The following DLG2 variants were observed in gnomAD, a reference collection of about 807,000 sequenced individuals.
DLG2 encodes disks large homolog 2.
A neutral mutation model predicts 132.5 loss-of-function variants in DLG2; 45 were observed. The observed-to-expected ratio is 0.34, with a 90% CI of 0.27 to 0.44. The LOEUF (loss-of-function observed/expected upper bound fraction) is 0.44. Ranked by LOEUF, DLG2 falls within the 20% of genes least tolerant of loss-of-function variation. The pLI is 1.00. For synonymous variants in DLG2, 424 were observed against 419.6 expected (o/e 1.01, Z -0.13); for missense variants, 1,045 against 1,196.9 (o/e 0.87, Z 1.87).
chr11:85,499,793 T>C (rs1248292541), intron 3 of DLG2, among the ~76,000 whole-genome samples: 1 of 152,132 alleles, frequency 6.6e-6, no homozygotes, highest in Admixed American at 6.6e-5. Context: ...TAGTTCAACA[T>C]ATGCAAATCA....
intron 14 of DLG2, among the ~76,000 whole-genome samples, chr11:83,951,769 C>T (rs142971288): frequency 1.4e-3 from 216 of 152,076 alleles, no homozygotes; most frequent in Non-Finnish European, 2.4e-3. Flanking sequence ...CTCCAGATGA[C>T]GTGATCTGAA....
chr11:85,521,275 G>A (rs1168794147), intron 3 of DLG2, among the ~76,000 whole-genome samples: 1 of 152,180 alleles, frequency 6.6e-6, no homozygotes, highest in Non-Finnish European at 1.5e-5. Context: ...AGATCTGACA[G>A]CTTTGTGAGG....
At chr11:84,382,147 T>C (rs2098750977) in intron 7 of DLG2, among the ~76,000 whole-genome samples, 1 of 152,158 alleles carries the variant, frequency 6.6e-6, no homozygotes, top group Non-Finnish European at 1.5e-5. Context: ...CAAATCAGCT[T>C]TCCTGCTAGA....
At chr11:85,238,039 A>AT (rs946120175) in intron 4 of DLG2, among the ~76,000 whole-genome samples, 3 of 151,392 alleles carry the variant, frequency 2.0e-5, no homozygotes, top group African/African-American at 4.9e-5. Flanking sequence ...TTCTTTGTGG[A>AT]TTTTTTTTCC....
At chr11:84,931,065 T>A (rs2048024411) in intron 6 of DLG2, among the ~76,000 whole-genome samples, 1 of 152,124 alleles carries the variant, frequency 6.6e-6, no homozygotes, top group Admixed American at 6.6e-5. Flanking sequence ...TCCACACTTC[T>A]GGGCAGATTC....
Position 85,111,715 on chromosome 11 carries a change from T to G in DLG2, c.303A>C (p.Pro101=). Residue 101 remains proline (P), a synonymous_variant, in exon 6 of 28, where the codon CCA becomes CCC. Coordinates refer to ENST00000376104, the MANE Select transcript of DLG2 (RefSeq NM_001142699.3). ...ETTTQNQGRC[P]AQNCSVEAPA... ...GGGCTTCCACTGAACAATTCTGGGC[T>G]GGGCATCTGCCTTGGTTTTGCTGCA... is the stretch of plus-strand genomic sequence containing the variant. 1 of 1,560,670 alleles carries G rather than the reference T, an allele frequency of 6.4e-7. No individual in the cohort carries two copies. Among genetic ancestry groups the G allele is most frequent in the Non-Finnish European group, 8.7e-7 (1 of 1,151,746 alleles).
At chr11:85,486,094 C>T (rs1192758029) in intron 3 of DLG2, among the ~76,000 whole-genome samples, 1 of 152,134 alleles carries the variant, frequency 6.6e-6, no homozygotes, top group Non-Finnish European at 1.5e-5. Context: ...GTGGTAGGCC[C>T]ACAGCTGACA....
chr11:83,780,735 G>T (rs1182405885), intron 18 of DLG2, among the ~76,000 whole-genome samples: 1 of 152,208 alleles, frequency 6.6e-6, no homozygotes, highest in East Asian at 1.9e-4. Context: ...AAGTAGAGCT[G>T]AATGGCACAT....
intron 7 of DLG2, among the ~76,000 whole-genome samples, chr11:84,334,432 C>A (rs116436358): frequency 0.019 from 2,891 of 152,238 alleles, 68 homozygotes; most frequent in African/African-American, 0.052. Context: ...GTTTGTTTAA[C>A]CACTTTTCTG....
intron 3 of DLG2, among the ~76,000 whole-genome samples, chr11:85,347,399 C>T (rs2082923581): frequency 6.6e-6 from 1 of 152,100 alleles, no homozygotes; most frequent in African/African-American, 2.4e-5. Flanking sequence ...AGAAAGCAAC[C>T]AGACCTGGAT....
intron 8 of DLG2, among the ~76,000 whole-genome samples, chr11:84,228,340 A>C (rs1325927461): frequency 1.3e-5 from 2 of 152,202 alleles, no homozygotes; most frequent in African/African-American, 4.8e-5. Context: ...TCCTTGACAC[A>C]TTCATCTTGG....
At chr11:84,027,727 T>C (rs1057135293) in intron 11 of DLG2, among the ~76,000 whole-genome samples, 1 of 152,088 alleles carries the variant, frequency 6.6e-6, no homozygotes, top group East Asian at 1.9e-4. Context: ...TAACTTTGTA[T>C]ATTAATTCAG....
At chr11:83,648,720 C>A (rs555069892) in intron 18 of DLG2, among the ~76,000 whole-genome samples, 1 of 152,196 alleles carries the variant, frequency 6.6e-6, no homozygotes, top group South Asian at 2.1e-4. Context: ...CCATCCCCAG[C>A]CCTGAGGAGT....
At chr11:83,518,373 C>T (rs900000219) in intron 21 of DLG2, among the ~76,000 whole-genome samples, 5 of 152,170 alleles carry the variant, frequency 3.3e-5, no homozygotes, top group African/African-American at 7.2e-5. Context: ...ATTGGAAAAG[C>T]GCAGTATTAG....
intron 6 of DLG2, among the ~76,000 whole-genome samples, chr11:84,769,813 T>C (rs2068988963): frequency 6.6e-6 from 1 of 152,220 alleles, no homozygotes; most frequent in Non-Finnish European, 1.5e-5. Context: ...CAGGAGAGAC[T>C]GGGTGCCTAT....
intron 15 of DLG2, among the ~76,000 whole-genome samples, chr11:83,894,171 T>C (rs1320822562): frequency 1.3e-5 from 2 of 152,190 alleles, no homozygotes; most frequent in Admixed American, 1.3e-4. Flanking sequence ...CCACCCACAT[T>C]CTGTTATAGG....
intron 14 of DLG2, among the ~76,000 whole-genome samples, chr11:83,951,426 T>A (rs2085390151): frequency 6.6e-6 from 1 of 151,914 alleles, no homozygotes; most frequent in South Asian, 2.1e-4. Context: ...GAATAAGCAC[T>A]AGAGAGAAAA....
Position 85,050,806 on chromosome 11 carries a change from C to G in DLG2, c.357+60855G>C, listed in dbSNP as rs546655143. Among the ~76,000 whole-genome samples the G allele has an allele frequency of 3.9e-5, 6 of 152,244 alleles. No individual in the cohort carries two copies. In the South Asian group the frequency reaches 1.0e-3, roughly 26 times the overall value. Reference sequence around the variant, plus strand: ...CAAAGTCAGATTCTTTCAATCATGTCTCAATGTATAAAACCTACTCATGCT... The same window carrying G: ...CAAAGTCAGATTCTTTCAATCATGTGTCAATGTATAAAACCTACTCATGCT... On this transcript the variant is annotated intron_variant, in intron 6 of 27. Transcript: ENST00000376104.
chr11:84,796,439 G>A (rs1250763047), intron 6 of DLG2, among the ~76,000 whole-genome samples: 5 of 152,128 alleles, frequency 3.3e-5, no homozygotes, highest in Non-Finnish European at 7.3e-5. Context: ...TGCCACAGTT[G>A]CAGTGTTATA....
Sources: allele counts gnomAD v4.1 joint callset (sites outside exome capture counted in the v4.1 genomes callset), GRCh38; gene constraint gnomAD v4.1.1; transcripts MANE v1.5; gene names NCBI Gene and HGNC (gene_info 2026-07-23, HGNC 2026-07-21).